LARP4B: variants seen among roughly 807,000 people sequenced by gnomAD.
The protein encoded by LARP4B is la-related protein 4B.
A neutral mutation model predicts 89.8 loss-of-function variants in LARP4B; 12 were observed. That is an observed-to-expected ratio of 0.13 (90% CI 0.09 to 0.22). The LOEUF (loss-of-function observed/expected upper bound fraction) is 0.22, where lower values mean the gene tolerates loss of function less well. LARP4B is among the 10% of genes least tolerant of loss of function. The pLI, the probability that LARP4B is intolerant of heterozygous loss-of-function variation, is 1.00. For missense variants in LARP4B, 757 were observed against 947.7 expected (o/e 0.80, Z 2.64); for synonymous variants, 367 against 363.3 (o/e 1.01, Z -0.12).
At chr10:884,657 G>A (rs1835796337) in intron 2 of LARP4B, 151 bp from the exon 3 acceptor site, 2 of 568,058 alleles carry the variant, frequency 3.5e-6, no homozygotes, top group Non-Finnish European at 6.1e-6. Flanking sequence ...TCAGAATGTA[G>A]GAGGCTTAAA....
chr10:833,613 C>G (rs1371940028), intron 8 of LARP4B, among the ~76,000 whole-genome samples: 1 of 152,100 alleles, frequency 6.6e-6, no homozygotes, highest in Non-Finnish European at 1.5e-5. Flanking sequence ...GAAATTGGGC[C>G]CGGTGCGGTG....
rs74990762 is a variant in LARP4B, at chr10:883,044, G to A, written c.141+1403C>T. On this transcript the variant is annotated intron_variant, in intron 3 of 17. Coordinates refer to ENST00000316157, the MANE Select transcript of LARP4B (RefSeq NM_015155.3). ...AACATTCATAGCAATGCCTACAATA[G>A]GTTTCTAAAGATGTCTGAATATTAT... Among the ~76,000 whole-genome samples, 65 of 152,282 alleles carry A rather than the reference G, an allele frequency of 4.3e-4. No individual in the cohort carries two copies. In the East Asian group the frequency reaches 0.011, roughly 27 times the overall value.
intron 5 of LARP4B, among the ~76,000 whole-genome samples, chr10:861,459 C>T (rs1397613675): frequency 1.3e-5 from 2 of 152,128 alleles, no homozygotes; most frequent in Non-Finnish European, 2.9e-5. Flanking sequence ...TAGGTGGAGG[C>T]AGATGAAGGA....
chr10:895,527 T>C lies in LARP4B; in HGVS notation c.-39-9767A>G, dbSNP rs919423654. Among the ~76,000 whole-genome samples the C allele has an allele frequency of 4.0e-5, 6 of 151,724 alleles. No individual in the cohort carries two copies. The South Asian group carries it at 8.3e-4, about 21-fold the overall frequency. On this transcript the variant is annotated intron_variant, in intron 1 of 17. Coordinates refer to ENST00000316157, the MANE Select transcript of LARP4B (RefSeq NM_015155.3). ...CTGCCTAACCAGGCTGGTGAAACCA[T>C]GTGTCTACTAAAATAAATACAAAAA...
At chr10:825,384 G>T in intron 12 of LARP4B, 68 bp from the exon 13 acceptor site, 1 of 1,476,088 alleles carries the variant, frequency 6.8e-7, no homozygotes, top group Non-Finnish European at 9.3e-7. Context: ...CATGCATACT[G>T]ACATGGAATA....
chr10:920,425 A>T (rs1262151903), intron 1 of LARP4B, among the ~76,000 whole-genome samples: 1 of 152,266 alleles, frequency 6.6e-6, no homozygotes, highest in Non-Finnish European at 1.5e-5. Context: ...GTCTTAGAAT[A>T]TAAACATCTT....
At chr10:983,733 G>A in the LARP4B span, among the ~76,000 whole-genome samples, 4 of 152,266 alleles carry the variant, frequency 2.6e-5, no homozygotes, top group African/African-American at 9.6e-5. Context: ...GGGAGACAGG[G>A]CTTTCACGTA....
chr10:842,806 GC>G lies in LARP4B; in HGVS notation c.646+125del. On this transcript the variant is annotated intron_variant, in intron 7 of 17. Transcript: ENST00000316157. ...GGACCTGGGCAGAAAGGAACGGAAG[GC>G]CAGAAAAGAATCTGATTCGCCATCA... is the stretch of plus-strand genomic sequence containing the variant. The G allele has an allele frequency of 3.7e-6, 3 of 817,906 alleles. No individual in the cohort carries two copies. The South Asian group carries it at 5.6e-5, about 15-fold the overall frequency. 50.7% of individuals were successfully genotyped at this position (817,906 alleles called of 1,614,324 possible).
chr10:849,316 G>GAAACA (rs933120246), intron 5 of LARP4B, among the ~76,000 whole-genome samples: 3 of 152,172 alleles, frequency 2.0e-5, no homozygotes, highest in African/African-American at 2.4e-5. Flanking sequence ...GAAGCAAGGA[G>GAAACA]AAACAAAACA....
At chr10:892,637 T>TCCACCTCC (rs1836066036) in intron 1 of LARP4B, among the ~76,000 whole-genome samples, 1 of 151,904 alleles carries the variant, frequency 6.6e-6, no homozygotes, top group Non-Finnish European at 1.5e-5. Flanking sequence ...CCTCCCAGGT[T>TCCACCTCC]CATGCCATTC....
intron 1 of LARP4B, among the ~76,000 whole-genome samples, chr10:925,869 ATAATT>A (rs2132059538): frequency 6.6e-6 from 1 of 152,360 alleles, no homozygotes; most frequent in African/African-American, 2.4e-5. Context: ...GAGAAACAGT[ATAATT>A]TAAAGGTCAT....
rs1449600858 is a variant in LARP4B at position 820,783 on chromosome 10, A to G, written c.1530+17T>C. The G allele has an allele frequency of 6.2e-7, 1 of 1,604,588 alleles. No homozygotes were observed. The highest frequency in any genetic ancestry group is 1.7e-5 in the Admixed American group (1 of 59,662). On this transcript the variant is annotated intron_variant, in intron 14 of 17. Transcript: ENST00000316157. The stretch of plus-strand genomic sequence containing the variant: ...ATTTAAATGTCTTGTGAAGAGGTAT[A>G]TGCTTTATGTACTCACTGTAAACTT...
the LARP4B span, among the ~76,000 whole-genome samples, chr10:941,170 C>A: frequency 6.6e-6 from 1 of 152,186 alleles, no homozygotes; most frequent in Non-Finnish European, 1.5e-5. Flanking sequence ...CCACTCCCAC[C>A]TGTGGGTGCT....
rs1228308394 is a variant in LARP4B at position 825,907 on chromosome 10, T to C, written c.1126-37A>G. ...TGAAAACAGACAAGTAAATAAACCATAAAACAGACTTCAATTTCATTAATA... is the reference window on the plus strand; with the variant it reads ...TGAAAACAGACAAGTAAATAAACCACAAAACAGACTTCAATTTCATTAATA... On this transcript the variant is annotated intron_variant, in intron 11 of 17. Coordinates refer to ENST00000316157, the MANE Select transcript of LARP4B (RefSeq NM_015155.3). 2.3e-6 allele frequency: 3 copies of C among 1,333,016 alleles called. No homozygotes were observed. The Admixed American group carries it at 5.7e-5, about 25-fold the overall frequency. The allele number at this position is 1,333,016 out of a possible 1,614,324, so 82.6% of individuals were successfully genotyped here.
chr10:885,584 G>T, intron 2 of LARP4B, 57 bp downstream of exon 2: 1 of 1,270,754 alleles, frequency 7.9e-7, no homozygotes, highest in Non-Finnish European at 1.1e-6. Context: ...CTCCAATATA[G>T]AGTCCTTTAT....
At chr10:973,896 G>T in the LARP4B span, among the ~76,000 whole-genome samples, 2 of 152,178 alleles carry the variant, frequency 1.3e-5, no homozygotes, top group Non-Finnish European at 2.9e-5. Context: ...GTGTTTTCAT[G>T]CTGAGGTGTG....
At chr10:888,543 A>G (rs1835929445) in intron 1 of LARP4B, among the ~76,000 whole-genome samples, 1 of 152,210 alleles carries the variant, frequency 6.6e-6, no homozygotes, top group Admixed American at 6.5e-5. Flanking sequence ...AGGCACAAAC[A>G]AGTGTTAAGC....
chr10:901,261 C>T (rs918584377), intron 1 of LARP4B, among the ~76,000 whole-genome samples: 1 of 152,150 alleles, frequency 6.6e-6, no homozygotes, highest in African/African-American at 2.4e-5. Flanking sequence ...TTCCCACGTG[C>T]ATATCTAAAT....
At chr10:964,604 C>A in the LARP4B span, among the ~76,000 whole-genome samples, 1 of 152,098 alleles carries the variant, frequency 6.6e-6, no homozygotes, top group South Asian at 2.1e-4. Context: ...ACATGTCAGA[C>A]GTCAGAGGCC....
Sources: allele counts gnomAD v4.1 joint callset (sites outside exome capture counted in the v4.1 genomes callset), GRCh38; gene constraint gnomAD v4.1.1; transcripts MANE v1.5; gene names NCBI Gene and HGNC (gene_info 2026-07-23, HGNC 2026-07-21).